HDX: variants seen among roughly 807,000 people sequenced by gnomAD.
HDX encodes chromosome X open reading frame 43.
Under a neutral mutation model 45.2 loss-of-function variants are expected in HDX, and 19 were observed. That is an observed-to-expected ratio of 0.42 (90% CI 0.29 to 0.62). The LOEUF (loss-of-function observed/expected upper bound fraction) is 0.62. Ranked by LOEUF, HDX falls within the 20% of genes least tolerant of loss-of-function variation. The pLI is 0.20. For missense variants in HDX, 532 were observed against 493.9 expected, an observed-to-expected ratio of 1.08 and a Z score of -0.73; for synonymous variants, 188 against 172.8, an observed-to-expected ratio of 1.09 and a Z score of -0.69.
At chrX:84,445,379 G>A (rs2039850249) in intron 4 of HDX, among the ~76,000 whole-genome samples, 1 of 111,126 alleles carries the variant, frequency 9.0e-6, no homozygotes, top group Non-Finnish European at 1.9e-5. Context: ...GCTGAGCATA[G>A]AAACCTATCA....
chrX:84,423,483 CA>C (rs538893311), intron 5 of HDX, among the ~76,000 whole-genome samples: 2,796 of 59,468 alleles, frequency 0.047, 110 homozygotes, highest in African/African-American at 0.14. Context: ...ACAGAAACAT[CA>C]AAAAAAAAAA....
chrX:84,424,521 G>A (rs1024584719), intron 5 of HDX, among the ~76,000 whole-genome samples: 5 of 110,900 alleles, frequency 4.5e-5, no homozygotes, highest in Non-Finnish European at 9.5e-5. Context: ...TAAGCAAAGA[G>A]ATTAAAAATG....
chrX:84,426,110 A>G (rs2039379503), intron 5 of HDX, among the ~76,000 whole-genome samples: 1 of 110,897 alleles, frequency 9.0e-6, no homozygotes, highest in Non-Finnish European at 1.9e-5. Context: ...ACCAACAAAA[A>G]TTAAAAATTA....
At chrX:84,416,416 T>A (rs1437191489) in intron 5 of HDX, among the ~76,000 whole-genome samples, 1 of 111,988 alleles carries the variant, frequency 8.9e-6, no homozygotes, top group Non-Finnish European at 1.9e-5. Flanking sequence ...AGATGGTGAT[T>A]ATATTTCATT....
intron 4 of HDX, among the ~76,000 whole-genome samples, chrX:84,447,638 G>A (rs1205225238): frequency 9.0e-6 from 1 of 110,788 alleles, no homozygotes; most frequent in Non-Finnish European, 1.9e-5. Flanking sequence ...CACTTTGAGA[G>A]GCCAGTCCCT....
chrX:84,415,753 G>A (rs887398156), intron 5 of HDX, among the ~76,000 whole-genome samples: 2 of 112,247 alleles, frequency 1.8e-5, no homozygotes, highest in South Asian at 3.7e-4. Flanking sequence ...TACTGATACA[G>A]ACTGTCCATT....
intron 2 of HDX, among the ~76,000 whole-genome samples, chrX:84,486,593 C>A (rs1056454605): frequency 1.8e-5 from 2 of 110,604 alleles, no homozygotes; most frequent in African/African-American, 6.5e-5. Context: ...TTTATTTCAT[C>A]ATTTCTGATA....
At chrX:84,331,057 G>C in intron 9 of HDX, among the ~76,000 whole-genome samples, 1 of 111,497 alleles carries the variant, frequency 9.0e-6, no homozygotes, top group Non-Finnish European at 1.9e-5. Flanking sequence ...ATAGTAAGGA[G>C]AACTCCAGTT....
At chrX:84,435,241 A>G (rs2039595052) in intron 5 of HDX, among the ~76,000 whole-genome samples, 2 of 111,303 alleles carry the variant, frequency 1.8e-5, no homozygotes, top group South Asian at 3.7e-4. Flanking sequence ...CTTAAGAAAA[A>G]TGCTTGCCAT....
At chrX:84,424,756 A>G (rs2039346774) in intron 5 of HDX, among the ~76,000 whole-genome samples, 1 of 111,546 alleles carries the variant, frequency 9.0e-6, no homozygotes. Context: ...CCGGATATGC[A>G]TATGCAGAAG....
chrX:84,401,248 T>C (rs78766995), intron 5 of HDX, among the ~76,000 whole-genome samples: 50 of 111,904 alleles, frequency 4.5e-4, no homozygotes, highest in Non-Finnish European at 9.2e-4. Flanking sequence ...AAATAAGTTA[T>C]CATCAGAGTG....
chrX:84,485,377 T>A (rs2040769850), intron 2 of HDX, among the ~76,000 whole-genome samples: 1 of 112,264 alleles, frequency 8.9e-6, no homozygotes, highest in Non-Finnish European at 1.9e-5. Flanking sequence ...TTGTCTATTT[T>A]TATTTTCAGT....
intron 5 of HDX, among the ~76,000 whole-genome samples, chrX:84,426,959 G>A (rs1404053472): frequency 9.0e-6 from 1 of 110,517 alleles, no homozygotes; most frequent in Non-Finnish European, 1.9e-5. Context: ...AAAAATAGAA[G>A]CTGAGAAAAG....
At chrX:84,334,603 A>C (rs1161161719) in intron 8 of HDX, among the ~76,000 whole-genome samples, 1 of 108,694 alleles carries the variant, frequency 9.2e-6, no homozygotes, top group Non-Finnish European at 1.9e-5. Flanking sequence ...TGATGAAAAA[A>C]AAATGACCAA....
At chrX:84,386,568 G>T (rs1165252190) in intron 5 of HDX, among the ~76,000 whole-genome samples, 1 of 111,520 alleles carries the variant, frequency 9.0e-6, no homozygotes, top group African/African-American at 3.3e-5. Flanking sequence ...ATGTCTTCCT[G>T]ATTCAATCAT....
chrX:84,381,581 C>G (rs1354676168), intron 5 of HDX, among the ~76,000 whole-genome samples: 1 of 111,005 alleles, frequency 9.0e-6, no homozygotes, highest in East Asian at 2.8e-4. Context: ...CATAAAGGTG[C>G]CAAAAACATA....
intron 3 of HDX, among the ~76,000 whole-genome samples, chrX:84,473,725 A>G (rs959206498): frequency 9.1e-6 from 1 of 110,256 alleles, no homozygotes; most frequent in Non-Finnish European, 1.9e-5. Context: ...GATTTTCACA[A>G]TGCAGCTGCC....
intron 5 of HDX, among the ~76,000 whole-genome samples, chrX:84,437,865 G>C (rs1436039911): frequency 9.0e-6 from 1 of 111,319 alleles, no homozygotes; most frequent in Admixed American, 9.6e-5. Flanking sequence ...TACTCTTTGT[G>C]TCAGTATCTT....
intron 5 of HDX, among the ~76,000 whole-genome samples, chrX:84,397,667 T>C (rs1432532140): frequency 8.9e-6 from 1 of 111,865 alleles, no homozygotes; most frequent in African/African-American, 3.3e-5. Context: ...CACAGTGTTC[T>C]CTTTTGGATA....
Sources: gnomAD v4.1 joint callset for allele counts (sites outside exome capture counted in the v4.1 genomes callset) on GRCh38, gnomAD v4.1.1 for gene constraint, MANE v1.5 for transcripts, NCBI Gene and HGNC (gene_info 2026-07-23, HGNC 2026-07-21) for gene names.